Variants in EPHB2 observed in about 807,000 individuals in gnomAD.
The protein encoded by EPHB2 is EPH receptor B2, also known as ephrin type-B receptor 2.
A neutral mutation model predicts 96.4 loss-of-function variants in EPHB2; 18 were observed. The ratio of observed to expected loss-of-function variants is 0.19; its 90% CI spans 0.13 to 0.28. The LOEUF is 0.28. EPHB2 is among the 10% of genes least tolerant of loss of function. The probability of loss-of-function intolerance (pLI) is 1.00; values close to 1 mark genes in which losing one functional copy is unlikely to be tolerated. For missense variants in EPHB2, 989 were observed against 1,355.4 expected (o/e 0.73, Z 4.25); for synonymous variants, 506 against 534.1 (o/e 0.95, Z 0.72).
intron 1 of EPHB2, among the ~76,000 whole-genome samples, chr1:22,754,710 G>A (rs947709481): frequency 1.0e-4 from 15 of 148,420 alleles, no homozygotes; most frequent in Non-Finnish European, 1.6e-4. Flanking sequence ...TCCCCTACAC[G>A]TGTCTGTGTG....
At position 22,859,306 on chromosome 1, in the gene EPHB2, G is replaced by T. The variant is rs540215340; in HGVS notation, c.812-3731G>T. ...TGTGGGGTGGGCCTGGTGGGGGGGG[G>T]GGTATTGTACCTAGGTGAGTGTGAG... On this transcript the variant is annotated intron_variant, in intron 3 of 15. Coordinates refer to ENST00000374630, the MANE Select transcript of EPHB2 (RefSeq NM_017449.5). 9.5e-5 allele frequency among the ~76,000 whole-genome samples: 14 copies of T among 146,762 alleles called. 1 individual carries two copies. The highest frequency in any genetic ancestry group is 4.3e-4 in the South Asian group (2 of 4,648).
At chr1:22,727,635 C>T (rs544947529) in intron 1 of EPHB2, among the ~76,000 whole-genome samples, 6 of 152,216 alleles carry the variant, frequency 3.9e-5, no homozygotes, top group Middle Eastern at 3.4e-3. Context: ...GATAGTGGCA[C>T]GGCTGGAACT....
At chr1:22,753,606 G>A (rs908605634) in intron 1 of EPHB2, among the ~76,000 whole-genome samples, 11 of 152,166 alleles carry the variant, frequency 7.2e-5, no homozygotes, top group South Asian at 2.1e-4. Flanking sequence ...AGGCACAAGC[G>A]TGGAGTGCGG....
At chr1:22,728,500 C>T (rs531168466) in intron 1 of EPHB2, among the ~76,000 whole-genome samples, 1 of 152,374 alleles carries the variant, frequency 6.6e-6, no homozygotes, top group South Asian at 2.1e-4. Context: ...CAGGGCTGCA[C>T]AGCTGCTGCA....
Position 22,814,841 on chromosome 1 carries a change from C to T in EPHB2, c.811+29765C>T, listed in dbSNP as rs1484040702. Among the ~76,000 whole-genome samples the T allele has an allele frequency of 6.6e-5, 10 of 152,340 alleles. No individual in the cohort carries two copies. In the East Asian group the frequency reaches 1.7e-3, roughly 26 times the overall value. ...CGTGGTTTACAAGGCATGGGGCTGG[C>T]CTGACTGCTTTGCTTCACAAATGCA... On this transcript the variant is annotated intron_variant, in intron 3 of 15. Transcript: ENST00000374630.
At chr1:22,768,626 G>A (rs918977863) in intron 1 of EPHB2, among the ~76,000 whole-genome samples, 1 of 151,900 alleles carries the variant, frequency 6.6e-6, no homozygotes, top group Admixed American at 6.6e-5. Context: ...CCTGGAGGTT[G>A]AGGCTGCAGT....
rs990305495 is a variant in EPHB2 at position 22,862,978 on chromosome 1, C to T, written c.812-59C>T. ...GGCCCCTCCGTGAGGCTGCGTGGCT[C>T]GTGACCTCTCTGAGTCTTCATCCAG... On this transcript the variant is annotated intron_variant, in intron 3 of 15. Transcript: ENST00000374630. 6.8e-6 allele frequency: 11 copies of T among 1,611,420 alleles called. No homozygotes were observed. In the African/African-American group the frequency reaches 9.4e-5, roughly 14 times the overall value.
intron 2 of EPHB2, among the ~76,000 whole-genome samples, chr1:22,783,750 G>T (rs1044197566): frequency 6.6e-6 from 1 of 152,186 alleles, no homozygotes; most frequent in African/African-American, 2.4e-5. Flanking sequence ...AGCCCAGACT[G>T]CCCCAGTGAG....
At position 22,914,444 on chromosome 1, in the gene EPHB2, C is replaced by A. The variant is rs368495544; in HGVS notation, c.*874C>A. On this transcript the variant is annotated 3_prime_UTR_variant, in exon 16 of 16. Transcript: ENST00000374630. ...CCGACTGCCGCTGAGAAGGGTTGAT[C>A]CTGCATCTGGGTTTGTTTACAGCAA... The A allele has an allele frequency of 2.7e-4, 41 of 153,636 alleles. 1 individual carries two copies. In the East Asian group the frequency reaches 6.7e-3, roughly 25 times the overall value. 9.5% of individuals were successfully genotyped at this position (153,636 alleles called of 1,614,324 possible).
In EPHB2 at chr1:22,833,798, A is replaced by G. The variant is rs377227639; in HGVS notation, c.812-29239A>G. 2.6e-5 allele frequency among the ~76,000 whole-genome samples: 4 copies of G among 152,344 alleles called. No individual in the cohort carries two copies. The East Asian group carries it at 7.7e-4, about 29-fold the overall frequency. On this transcript the variant is annotated intron_variant, in intron 3 of 15. Coordinates refer to ENST00000374630, the MANE Select transcript of EPHB2 (RefSeq NM_017449.5). ...CAAAACTGTTAAAAAACAGAAATTC[A>G]TAGTTTGGATGAGGAAAAACAGTAC...
chr1:22,767,304 C>T (rs1266043429), intron 1 of EPHB2, among the ~76,000 whole-genome samples: 1 of 152,158 alleles, frequency 6.6e-6, no homozygotes, highest in African/African-American at 2.4e-5. Context: ...GAGCCCTTCC[C>T]GACGCCACTA....
chr1:22,756,625 G>T (rs1292219232), intron 1 of EPHB2, among the ~76,000 whole-genome samples: 2 of 152,152 alleles, frequency 1.3e-5, no homozygotes, highest in Non-Finnish European at 2.9e-5. Context: ...GTGGGAGAGG[G>T]GAGAGCTGGA....
intron 1 of EPHB2, among the ~76,000 whole-genome samples, chr1:22,729,792 C>T (rs1166249325): frequency 6.6e-6 from 1 of 152,186 alleles, no homozygotes; most frequent in Non-Finnish European, 1.5e-5. Flanking sequence ...CCTACCAGAC[C>T]GTCAACTTTA....
chr1:22,897,710 C>T (rs927705243), intron 9 of EPHB2, among the ~76,000 whole-genome samples: 1 of 152,082 alleles, frequency 6.6e-6, no homozygotes, highest in African/African-American at 2.4e-5. Flanking sequence ...TTGCTTGAAC[C>T]CGGGAAGCAG....
chr1:22,812,345 C>T (rs1423804930), intron 3 of EPHB2, among the ~76,000 whole-genome samples: 4 of 152,230 alleles, frequency 2.6e-5, no homozygotes, highest in Non-Finnish European at 5.9e-5. Context: ...CATGAGGCTT[C>T]CACTCGGAGT....
At chr1:22,801,781 C>T (rs994832026) in intron 3 of EPHB2, among the ~76,000 whole-genome samples, 7 of 152,208 alleles carry the variant, frequency 4.6e-5, no homozygotes, top group African/African-American at 7.2e-5. Context: ...GGTCCCCTCC[C>T]GCCCCCTCGT....
At position 22,846,421 on chromosome 1, in the gene EPHB2, C is replaced by CAA. The variant is rs548171634; in HGVS notation, c.812-16602_812-16601dup. 8.7e-3 allele frequency among the ~76,000 whole-genome samples: 950 copies of CAA among 108,702 alleles called. 7 individuals are homozygous for CAA. Among genetic ancestry groups the CAA allele is most frequent in the African/African-American group, 0.026 (832 of 31,900 alleles). 71.3% of individuals were successfully genotyped at this position (108,702 alleles called of 152,430 possible). ...ACAGAGTGAGAGTGAGACTCTGTCT[C>CAA]AAAAAAAAAAAAAAAGAAAAGAAAG... On this transcript the variant is annotated intron_variant, in intron 3 of 15. Coordinates refer to ENST00000374630, the MANE Select transcript of EPHB2 (RefSeq NM_017449.5). This position sits in a 1 kb window ranked among gnomAD's most constrained non-coding sequence, Gnocchi z 4.3.
chr1:22,820,161 G>A (rs1248622063), intron 3 of EPHB2, among the ~76,000 whole-genome samples: 1 of 152,190 alleles, frequency 6.6e-6, no homozygotes, highest in Non-Finnish European at 1.5e-5. Flanking sequence ...AGATCACACG[G>A]TTAATAAATG....
chr1:22,830,241 G>C (rs1244988613), intron 3 of EPHB2, among the ~76,000 whole-genome samples: 1 of 152,178 alleles, frequency 6.6e-6, no homozygotes, highest in Admixed American at 6.5e-5. Context: ...GTCCCCAGAG[G>C]CTGGCATCAG....
Sources: gnomAD v4.1 joint callset for allele counts (sites outside exome capture counted in the v4.1 genomes callset) on GRCh38, gnomAD v4.1.1 for gene constraint, Gnocchi (gnomAD v3.1) non-coding constraint, MANE v1.5 for transcripts, NCBI Gene and HGNC (gene_info 2026-07-23, HGNC 2026-07-21) for gene names.